The following DYM variants were observed in gnomAD, a reference collection of about 807,000 sequenced individuals.
The protein encoded by DYM is dyggve-Melchior-Clausen syndrome protein.
DYM carries 78 observed loss-of-function variants against 93.1 expected under a neutral mutation model. The observed-to-expected ratio is 0.84, with a 90% confidence interval of 0.70 to 1.01. The LOEUF is 1.01. DYM is among the 50% of genes least tolerant of loss of function. DYM has a pLI of 0.00. For missense variants in DYM, 789 were observed against 845.0 expected, an observed-to-expected ratio of 0.93 and a Z score of 0.82; for synonymous variants, 321 against 319.7, an observed-to-expected ratio of 1.00 and a Z score of -0.04.
chr18:49,101,601 A>G (rs1364934953), intron 16 of DYM, among the ~76,000 whole-genome samples: 1 of 152,212 alleles, frequency 6.6e-6, no homozygotes, highest in Non-Finnish European at 1.5e-5. Flanking sequence ...CTTGCTTGCT[A>G]AAAATGGCCA....
At chr18:49,374,841 C>T (rs2067341664) in intron 5 of DYM, among the ~76,000 whole-genome samples, 1 of 152,076 alleles carries the variant, frequency 6.6e-6, no homozygotes, top group Non-Finnish European at 1.5e-5. Flanking sequence ...TGCCTCTAAT[C>T]CCAGATACTT....
chr18:49,383,444 G>A (rs964606404), intron 3 of DYM, among the ~76,000 whole-genome samples: 1 of 152,054 alleles, frequency 6.6e-6, no homozygotes, highest in African/African-American at 2.4e-5. Context: ...GGATAATGAA[G>A]GTCCCATTTA....
chr18:49,399,910 TA>T (rs1451797722), intron 2 of DYM, among the ~76,000 whole-genome samples: 1 of 151,234 alleles, frequency 6.6e-6, no homozygotes, highest in Non-Finnish European at 1.5e-5. Context: ...AAATATTTTT[TA>T]AAAGACATTT....
chr18:49,175,685 A>C (rs568824168), intron 14 of DYM, among the ~76,000 whole-genome samples: 7 of 152,306 alleles, frequency 4.6e-5, no homozygotes, highest in Admixed American at 4.6e-4. Flanking sequence ...ATGTCTTGTG[A>C]CTAGCAGTAC....
chr18:49,232,849 T>A (rs751174403), intron 13 of DYM, among the ~76,000 whole-genome samples: 50 of 151,746 alleles, frequency 3.3e-4, no homozygotes, highest in Admixed American at 1.4e-3. Flanking sequence ...CCTCAGGTGA[T>A]CCGCCCACCT....
At chr18:49,202,920 C>G (rs562988860) in intron 14 of DYM, among the ~76,000 whole-genome samples, 1 of 136,760 alleles carries the variant, frequency 7.3e-6, no homozygotes, top group East Asian at 2.4e-4. Flanking sequence ...GTCAGCCCCC[C>G]GCCTGGCCAG....
chr18:49,397,791 T>C (rs911925201), intron 2 of DYM, among the ~76,000 whole-genome samples: 2 of 152,186 alleles, frequency 1.3e-5, no homozygotes, highest in Non-Finnish European at 2.9e-5. Context: ...ATTTCAAAGG[T>C]TTTTAAAAGA....
intron 14 of DYM, among the ~76,000 whole-genome samples, chr18:49,181,604 T>G (rs889369515): frequency 2.0e-5 from 3 of 152,154 alleles, no homozygotes; most frequent in African/African-American, 7.2e-5. Flanking sequence ...CTTTGAGTAT[T>G]ATGTCGGTGC....
chr18:49,209,852 TA>T, intron 13 of DYM, 137 bp from the exon 14 acceptor site: 1 of 449,492 alleles, frequency 2.2e-6, no homozygotes, highest in Non-Finnish European at 3.2e-6. Context: ...ACTGTCAGAA[TA>T]AAAAGTTAAA....
chr18:49,215,300 T>C (rs1249947969), intron 13 of DYM, among the ~76,000 whole-genome samples: 1 of 152,238 alleles, frequency 6.6e-6, no homozygotes, highest in African/African-American at 2.4e-5. Flanking sequence ...TCGTCAGTCT[T>C]ATTACTCTCC....
chr18:49,187,341 TG>T, intron 14 of DYM, among the ~76,000 whole-genome samples: 1 of 152,334 alleles, frequency 6.6e-6, no homozygotes, highest in East Asian at 1.9e-4. Context: ...GTATCAACTC[TG>T]TGCTCATTTG....
chr18:49,400,486 T>C (rs2070689936), intron 2 of DYM, among the ~76,000 whole-genome samples: 1 of 151,986 alleles, frequency 6.6e-6, no homozygotes, highest in African/African-American at 2.4e-5. Flanking sequence ...CATTATAAGC[T>C]CCAAGAGAAC....
At chr18:49,379,530 CCTTT>C (rs2067838036) in intron 4 of DYM, 131 bp downstream of exon 4, 5 of 792,652 alleles carry the variant, frequency 6.3e-6, no homozygotes, top group Non-Finnish European at 1.0e-5. Context: ...AACCTCTCTA[CCTTT>C]TTTTCTTAAT....
At chr18:49,180,817 AG>A in intron 14 of DYM, among the ~76,000 whole-genome samples, 1 of 152,300 alleles carries the variant, frequency 6.6e-6, no homozygotes, top group South Asian at 2.1e-4. Context: ...GTGGCAGTTA[AG>A]AGTTGCTGTG....
Position 49,431,845 on chromosome 18 carries a change from C to A in DYM, c.-53-1398G>T, listed in dbSNP as rs1295541931. 4 of 151,474 alleles carry A rather than the reference C, an allele frequency of 2.6e-5. No homozygotes were observed. In the East Asian group the frequency reaches 7.7e-4, roughly 29 times the overall value. The allele number at this position is 151,474 out of a possible 1,614,324, so 9.4% of individuals were successfully genotyped here. ...CGATGATGCACATGGACAGCTGGGT[C>A]TTCTGAATCTGAGATAGAAATACTG... On this transcript the variant is annotated intron_variant, in intron 1 of 17. Transcript: ENST00000675505.
Position 49,378,621 on chromosome 18 carries a change from C to G in DYM, c.367G>C (p.Glu123Gln). Residue 123 changes from glutamate to glutamine, a missense_variant, in exon 5 of 18, where the codon GAG (glutamate) becomes CAG (glutamine). Coordinates refer to ENST00000675505, the MANE Select transcript of DYM (RefSeq NM_001353214.3). ...GTAAAATGAAGTTGTAATTCCTCCTCTGACATCTGACAGATGAACACTTTC... is the reference window on the plus strand; with the variant it reads ...GTAAAATGAAGTTGTAATTCCTCCTGTGACATCTGACAGATGAACACTTTC... ...LLKVFICQMS[E>Q]EELQLHFTYE... 8 of 1,612,864 alleles carry G rather than the reference C, an allele frequency of 5.0e-6. No homozygotes were observed. The highest frequency in any genetic ancestry group is 5.9e-6 in the Non-Finnish European group (7 of 1,179,096).
chr18:49,324,138 C>CAAAAAAAAAAAAAAAAAAAA (rs59640889), intron 8 of DYM, among the ~76,000 whole-genome samples: 3 of 54,436 alleles, frequency 5.5e-5, no homozygotes, highest in African/African-American at 8.2e-5. Context: ...GGCTCTGTCT[C>CAAAAAAAAAAAAAAAAAAAA]AAAAAAAAAA....
chr18:49,105,742 T>G (rs892170938), intron 16 of DYM, among the ~76,000 whole-genome samples: 4 of 152,222 alleles, frequency 2.6e-5, no homozygotes, highest in African/African-American at 4.8e-5. Context: ...TAATCCTGAG[T>G]TCTAGTTTGA....
chr18:49,293,040 T>C (rs1049214867), intron 8 of DYM, among the ~76,000 whole-genome samples: 2 of 152,132 alleles, frequency 1.3e-5, no homozygotes, highest in South Asian at 2.1e-4. Flanking sequence ...TGTGTTCTCA[T>C]TGCTCAGCTC....
Sources: gnomAD v4.1 joint callset for allele counts (sites outside exome capture counted in the v4.1 genomes callset) on GRCh38, gnomAD v4.1.1 for gene constraint, MANE v1.5 for transcripts, NCBI Gene and HGNC (gene_info 2026-07-23, HGNC 2026-07-21) for gene names.